Variants in C8orf76 observed in about 807,000 individuals in gnomAD.
C8orf76 encodes chromosome 8 open reading frame 76, also known as uncharacterized protein C8orf76.
A neutral mutation model predicts 38.1 loss-of-function variants in C8orf76; 46 were observed. That is an observed-to-expected ratio of 1.21 (90% CI 0.95 to 1.54). C8orf76 has a LOEUF of 1.54. Ranked by LOEUF, C8orf76 falls within the 40% of genes most tolerant of loss-of-function variation. The pLI, the probability that C8orf76 is intolerant of heterozygous loss-of-function variation, is 0.00. For synonymous variants in C8orf76, 166 were observed against 167.5 expected, an observed-to-expected ratio of 0.99 and a Z score of 0.07; for missense variants, 461 against 441.6, an observed-to-expected ratio of 1.04 and a Z score of -0.39.
chr8:123,231,072 A>C (rs929444784), intron 4 of C8orf76, among the ~76,000 whole-genome samples: 1 of 152,258 alleles, frequency 6.6e-6, no homozygotes, highest in African/African-American at 2.4e-5. Context: ...TGCTGGGATT[A>C]CAGGTATGTG....
rs530198448 is a variant in C8orf76 at position 123,238,223 on chromosome 8, C to T, written c.214-282G>A. ...ACTGAATCATGGGGGTGGGTTTTTC[C>T]CATGCTATTCTCATGGTAGTTAGTC... On this transcript the variant is annotated intron_variant, in intron 2 of 5. Transcript: ENST00000276704. Among the ~76,000 whole-genome samples, 9 of 152,116 alleles carry T rather than the reference C, an allele frequency of 5.9e-5. No homozygotes were observed. The East Asian group carries it at 1.7e-3, about 29-fold the overall frequency.
chr8:123,220,216 C>A lies in C8orf76; in HGVS notation c.1030G>T (p.Ala344Ser), dbSNP rs376154296. The A allele has an allele frequency of 6.2e-7, 1 of 1,613,794 alleles. No individual in the cohort carries two copies. Among genetic ancestry groups the A allele is most frequent in the Non-Finnish European group, 8.5e-7 (1 of 1,179,834 alleles). Reference protein sequence around the residue: ...VKCVGSVALTALVTVSSEEFE... With the variant: ...VKCVGSVALTSLVTVSSEEFE... The stretch of plus-strand genomic sequence containing the variant: ...TCTTCTGAGGATACAGTCACCAAGG[C>A]AGTCAGGGCTACGGAGCCAACACAC... Residue 344 changes from alanine (A) to serine (S), a missense_variant, in exon 6 of 6, where the codon GCC (alanine) becomes TCC (serine). Ala to Ser is a moderately conservative substitution (Grantham distance 99). Transcript: ENST00000276704.
At chr8:123,231,791 A>G in intron 3 of C8orf76, 34 bp from the exon 4 acceptor site, 1 of 1,524,234 alleles carries the variant, frequency 6.6e-7, no homozygotes, top group Non-Finnish European at 8.7e-7. Context: ...AGAAGTTTAA[A>G]CTTCAAAGCA....
At chr8:123,238,395 A>C (rs1289566058) in intron 2 of C8orf76, among the ~76,000 whole-genome samples, 1 of 150,664 alleles carries the variant, frequency 6.6e-6, no homozygotes, top group Non-Finnish European at 1.5e-5. Flanking sequence ...GAGTCCATTA[A>C]ACCTTTTTTT....
At position 123,241,307 on chromosome 8, in the gene C8orf76, C is replaced by T. The variant is rs1825678486; in HGVS notation, c.40G>A (p.Asp14Asn). 1.3e-5 allele frequency: 20 copies of T among 1,574,068 alleles called. No individual in the cohort carries two copies. Among genetic ancestry groups the T allele is most frequent in the Non-Finnish European group, 1.5e-5 (18 of 1,165,346 alleles). Residue 14 changes from aspartate to asparagine, a missense_variant, in exon 1 of 6, where the codon GAC becomes AAC. By Grantham distance (23) the Asp-to-Asn change is conservative. Transcript: ENST00000276704. ...GCWLFGGEFE[D>N]SVFEERPERR... ...TCCGGCCTCTCCTCGAACACCGAGTCCTCGAACTCGCCGCCGAACAACCAG... is the reference window on the plus strand; with the variant it reads ...TCCGGCCTCTCCTCGAACACCGAGTTCTCGAACTCGCCGCCGAACAACCAG...
chr8:123,227,177 C>T (rs949453939), intron 4 of C8orf76, among the ~76,000 whole-genome samples: 2 of 152,124 alleles, frequency 1.3e-5, no homozygotes, highest in African/African-American at 4.8e-5. Context: ...TCTGCGATAC[C>T]TTACCACTGA....
At chr8:123,232,751 A>G (rs964537348) in intron 3 of C8orf76, among the ~76,000 whole-genome samples, 16 of 152,174 alleles carry the variant, frequency 1.1e-4, no homozygotes, top group African/African-American at 3.9e-4. Context: ...TACCTTCCCA[A>G]AGACAGAACA....
chr8:123,222,137 C>T (rs572401790), intron 5 of C8orf76, among the ~76,000 whole-genome samples: 17 of 152,204 alleles, frequency 1.1e-4, no homozygotes, highest in Admixed American at 3.3e-4. Flanking sequence ...TACAGGCGTG[C>T]GCCACCAGGC....
chr8:123,235,491 C>T (rs1020020361), intron 3 of C8orf76, among the ~76,000 whole-genome samples: 8 of 152,186 alleles, frequency 5.3e-5, no homozygotes, highest in Admixed American at 2.6e-4. Flanking sequence ...CAAAACACAG[C>T]TTACCAGGAA....
chr8:123,239,760 G>C (rs1028304843), intron 1 of C8orf76: 1 of 151,826 alleles, frequency 6.6e-6, no homozygotes, highest in South Asian at 2.1e-4. Flanking sequence ...AGGCCGAGGC[G>C]GGCAGATCAC....
intron 5 of C8orf76, chr8:123,226,298 A>AGC: frequency 7.1e-7 from 1 of 1,400,548 alleles, no homozygotes; most frequent in Non-Finnish European, 9.2e-7. Context: ...CATGAAACAC[A>AGC]GCCCCTGCGG....
chr8:123,233,953 G>A (rs1212296763), intron 3 of C8orf76, among the ~76,000 whole-genome samples: 1 of 151,578 alleles, frequency 6.6e-6, no homozygotes, highest in African/African-American at 2.4e-5. Context: ...GCATGAACCC[G>A]GGAGGCAGAG....
chr8:123,239,137 T>TA lies in C8orf76; in HGVS notation c.124dup (p.Tyr42LeufsTer2). The TA allele has an allele frequency of 2.5e-6, 4 of 1,614,094 alleles. No homozygotes were observed. Among genetic ancestry groups the TA allele is most frequent in the Non-Finnish European group, 3.4e-6 (4 of 1,179,986 alleles). ...ATCATCACTGCTTTCTGTTTCTTCATAAAACCACTTGAAATCATGAAAATA... is the reference window on the plus strand; with the variant it reads ...ATCATCACTGCTTTCTGTTTCTTCATAAAAACCACTTGAAATCATGAAAATA... On this transcript the variant is annotated frameshift_variant, in exon 2 of 6. Coordinates refer to ENST00000276704, the MANE Select transcript of C8orf76 (RefSeq NM_032847.3). LOFTEE classifies it high-confidence loss of function.
At chr8:123,232,694 T>C (rs1055407025) in intron 3 of C8orf76, among the ~76,000 whole-genome samples, 26 of 152,134 alleles carry the variant, frequency 1.7e-4, no homozygotes, top group African/African-American at 6.0e-4. Context: ...CCACATTGAG[T>C]GAAAAGATAG....
At chr8:123,227,368 C>T (rs564445864) in intron 4 of C8orf76, among the ~76,000 whole-genome samples, 1 of 151,942 alleles carries the variant, frequency 6.6e-6, no homozygotes, top group Non-Finnish European at 1.5e-5. Flanking sequence ...GGAACATGCC[C>T]AACACTACGC....
intron 5 of C8orf76, among the ~76,000 whole-genome samples, chr8:123,225,402 T>C (rs145842124): frequency 9.2e-5 from 14 of 152,326 alleles, no homozygotes; most frequent in Admixed American, 6.5e-4. Flanking sequence ...GTGAGACACA[T>C]GTCCCAGAGA....
At chr8:123,241,176 G>C in intron 1 of C8orf76, 54 bp downstream of exon 1, 2 of 1,499,708 alleles carry the variant, frequency 1.3e-6, no homozygotes, top group South Asian at 1.2e-5. Flanking sequence ...CCGGGGCCCC[G>C]CGGAGGGCGA....
At chr8:123,234,311 C>T (rs930497083) in intron 3 of C8orf76, among the ~76,000 whole-genome samples, 1 of 152,042 alleles carries the variant, frequency 6.6e-6, no homozygotes, top group African/African-American at 2.4e-5. Context: ...GTCAGTTATA[C>T]TAAAAGTCAA....
intron 5 of C8orf76, among the ~76,000 whole-genome samples, chr8:123,222,170 G>C (rs1158456605): frequency 6.6e-6 from 1 of 151,856 alleles, no homozygotes; most frequent in Non-Finnish European, 1.5e-5. Flanking sequence ...TGTATTTTTA[G>C]TAGAGACAGG....
Sources: allele counts gnomAD v4.1 joint callset (sites outside exome capture counted in the v4.1 genomes callset), GRCh38; gene constraint gnomAD v4.1.1; transcripts MANE v1.5; gene names NCBI Gene and HGNC (gene_info 2026-07-23, HGNC 2026-07-21).